Variants in DMXL2 observed in about 807,000 individuals in gnomAD.
DMXL2 encodes dmX-like protein 2.
Under a neutral mutation model 331.1 loss-of-function variants are expected in DMXL2, and 103 were observed. That is an observed-to-expected ratio of 0.31 (90% confidence interval 0.27 to 0.37). DMXL2 has a LOEUF of 0.37. DMXL2 is among the 10% of genes least tolerant of loss of function. The pLI is 1.00. For missense variants in DMXL2, 3,171 were observed against 3,642.9 expected (o/e 0.87, Z 3.33); for synonymous variants, 1,281 against 1,252.1 (o/e 1.02, Z -0.49).
intron 6 of DMXL2, among the ~76,000 whole-genome samples, chr15:51,548,443 G>A (rs2049011751): frequency 6.6e-6 from 1 of 151,894 alleles, no homozygotes; most frequent in African/African-American, 2.4e-5. Context: ...AATCTTTTAA[G>A]TGTTTGCCCT....
intron 22 of DMXL2, 129 bp downstream of exon 22, chr15:51,487,824 TA>T: frequency 2.7e-6 from 2 of 737,080 alleles, no homozygotes; most frequent in Non-Finnish European, 4.0e-6. Context: ...GCCACTATTT[TA>T]AGTACAGCAA....
Position 51,517,091 on chromosome 15 carries a change from G to A in DMXL2, c.2513C>T (p.Ala838Val), listed in dbSNP as rs751783859. 4 of 1,613,898 alleles carry A rather than the reference G, an allele frequency of 2.5e-6. No individual in the cohort carries two copies. The highest frequency in any genetic ancestry group is 3.4e-6 in the Non-Finnish European group (4 of 1,179,808). Residue 838 changes from alanine to valine, a missense_variant, in exon 14 of 44, where the codon GCA (alanine) becomes GTA (valine). Ala to Val is a moderately conservative substitution (Grantham distance 64). Coordinates refer to ENST00000560891, the MANE Select transcript of DMXL2 (RefSeq NM_001378457.1). ...GCATGTTTTTACTTGGTTGGTTATT[G>A]CGTCGAGTTCAATAATGCAGCCAGG... ...ARPGCIIELD[A>V]ITNQCGSNTQ...
chr15:51,474,582 T>G lies in DMXL2; in HGVS notation c.6975A>C (p.Ser2325=). 6.2e-7 allele frequency: 1 copy of G among 1,613,694 alleles called. No individual in the cohort carries two copies. Among genetic ancestry groups the G allele is most frequent in the Non-Finnish European group, 8.5e-7 (1 of 1,179,784 alleles). ...GGGCTGAACTCAAAAGATTAATAAG[T>G]GAGCTCACACCTATAAGGGTATATA... ...SSPAQWPGVS[S]LINLLSSAQD... Residue 2325 remains serine, a synonymous_variant, in exon 28 of 44, where the codon TCA becomes TCC. Transcript: ENST00000560891.
chr15:51,530,252 T>C (rs1350068983), intron 13 of DMXL2, among the ~76,000 whole-genome samples: 4 of 151,910 alleles, frequency 2.6e-5, no homozygotes, highest in East Asian at 1.9e-4. Context: ...AAAAGAAAGA[T>C]ATAAAAGGCA....
At chr15:51,512,713 G>A (rs556985253) in intron 15 of DMXL2, among the ~76,000 whole-genome samples, 16 of 152,040 alleles carry the variant, frequency 1.1e-4, no homozygotes, top group African/African-American at 3.4e-4. Flanking sequence ...CTACTCGGGA[G>A]GCTGAGGCAG....
intron 19 of DMXL2, among the ~76,000 whole-genome samples, chr15:51,493,267 T>C (rs892081794): frequency 6.6e-6 from 1 of 152,168 alleles, no homozygotes; most frequent in East Asian, 1.9e-4. Context: ...AAATGCATAA[T>C]TTTGCTGATA....
intron 15 of DMXL2, 48 bp from the exon 16 acceptor site, chr15:51,507,301 G>A (rs751280330): frequency 3.3e-6 from 5 of 1,530,088 alleles, no homozygotes; most frequent in Admixed American, 2.1e-5. Context: ...TTTTTATGGG[G>A]TTAAAAAAAC....
At position 51,450,417 on chromosome 15, in the gene DMXL2, A is replaced by T. The variant is rs888942085; in HGVS notation, c.8750-71T>A. 5 of 1,366,956 alleles carry T rather than the reference A, an allele frequency of 3.7e-6. No individual in the cohort carries two copies. In the African/African-American group the frequency reaches 4.3e-5, roughly 12 times the overall value. 84.7% of individuals were successfully genotyped at this position (1,366,956 alleles called of 1,614,324 possible). On this transcript the variant is annotated intron_variant, in intron 42 of 43. Transcript: ENST00000560891. ...CTTGGTAATTATGATGTCTACATCC[A>T]CATTTAAATACAGACCTTACTGATG... is the stretch of plus-strand genomic sequence containing the variant.
rs563573322 is a variant in DMXL2 at position 51,541,858 on chromosome 15, T to G, written c.1105+475A>C. 3.9e-5 allele frequency among the ~76,000 whole-genome samples: 6 copies of G among 151,962 alleles called. No individual in the cohort carries two copies. In the East Asian group the frequency reaches 1.2e-3, roughly 29 times the overall value. The stretch of plus-strand genomic sequence containing the variant: ...CATAGGGGAAAAAGGGAAAAGAAAA[T>G]ATTCAGGTTAGAAGGAAAAGTGTTT... On this transcript the variant is annotated intron_variant, in intron 9 of 43. Transcript: ENST00000560891.
At chr15:51,546,136 T>TC (rs1325227447) in intron 7 of DMXL2, among the ~76,000 whole-genome samples, 1 of 152,188 alleles carries the variant, frequency 6.6e-6, no homozygotes, top group Non-Finnish European at 1.5e-5. Flanking sequence ...AGTAGTTTCA[T>TC]CACTTTACAT....
chr15:51,496,139 T>G (rs2043160600), intron 18 of DMXL2, among the ~76,000 whole-genome samples: 1 of 152,022 alleles, frequency 6.6e-6, no homozygotes, highest in African/African-American at 2.4e-5. Flanking sequence ...GCCACCATGC[T>G]CATTCGTCCG....
Position 51,488,082 on chromosome 15 carries a change from G to A in DMXL2, c.5089C>T (p.His1697Tyr), listed in dbSNP as rs779002819. 6.2e-7 allele frequency: 1 copy of A among 1,608,974 alleles called. No individual in the cohort carries two copies. Among genetic ancestry groups the A allele is most frequent in the Non-Finnish European group, 8.5e-7 (1 of 1,178,120 alleles). Residue 1697 changes from histidine (H) to tyrosine (Y), a missense_variant, in exon 22 of 44, where the codon CAC becomes TAC. His to Tyr is a moderately conservative substitution (Grantham distance 83). Around this residue, in one of 7 missense-constraint regions of DMXL2, gnomAD observed 252 missense variants for 387.4 expected, o/e 0.65. Coordinates refer to ENST00000560891, the MANE Select transcript of DMXL2 (RefSeq NM_001378457.1). The part of the protein sequence containing the change: ...HDEKMTTFFS[H>Y]NFNEDRWRKA... Reference sequence around the variant, plus strand: ...CGCCATCTATCTTCATTAAAGTTGTGGCTGAAAAATGTTGTCATTTTTTCA... The same window carrying A: ...CGCCATCTATCTTCATTAAAGTTGTAGCTGAAAAATGTTGTCATTTTTTCA...
chr15:51,569,852 C>G (rs567919315), intron 2 of DMXL2, among the ~76,000 whole-genome samples: 2 of 152,210 alleles, frequency 1.3e-5, no homozygotes, highest in African/African-American at 2.4e-5. Flanking sequence ...TGCAAAATGG[C>G]TGAAAATTCC....
At position 51,502,791 on chromosome 15, in the gene DMXL2, T is replaced by G; in HGVS notation, c.2992+15A>C. The G allele has an allele frequency of 6.3e-7, 1 of 1,597,714 alleles. No individual in the cohort carries two copies. The highest frequency in any genetic ancestry group is 8.6e-7 in the Non-Finnish European group (1 of 1,165,096). On this transcript the variant is annotated intron_variant, in intron 17 of 43. Transcript: ENST00000560891. ...CACTCTGAGCTACCACTGCCCAGTCTTAAAGTGACCTTACCTGCTGAAGGC... is the reference window on the plus strand; with the variant it reads ...CACTCTGAGCTACCACTGCCCAGTCGTAAAGTGACCTTACCTGCTGAAGGC...
At chr15:51,482,386 T>A (rs1033545947) in intron 23 of DMXL2, among the ~76,000 whole-genome samples, 2 of 152,066 alleles carry the variant, frequency 1.3e-5, no homozygotes, top group African/African-American at 4.8e-5. Flanking sequence ...GCCATGAGAA[T>A]CCAAACATTT....
intron 8 of DMXL2, 136 bp downstream of exon 8, chr15:51,545,447 A>C (rs551543399): frequency 4.5e-6 from 3 of 661,276 alleles, no homozygotes; most frequent in Non-Finnish European, 7.3e-6. Flanking sequence ...TAGTCTTACA[A>C]GCATAAATGA....
At chr15:51,575,924 C>A (rs1018800132) in intron 2 of DMXL2, 132 bp downstream of exon 2, 2 of 890,694 alleles carry the variant, frequency 2.2e-6, no homozygotes, top group African/African-American at 3.4e-5. Flanking sequence ...TATCACTTTG[C>A]AACTTCTGCT....
chr15:51,580,193 G>A (rs2051312408), intron 1 of DMXL2, among the ~76,000 whole-genome samples: 1 of 152,166 alleles, frequency 6.6e-6, no homozygotes, highest in Admixed American at 6.5e-5. Context: ...CAATTTTAGA[G>A]AGATCAAAAG....
intron 40 of DMXL2, 137 bp from the exon 41 acceptor site, chr15:51,453,778 GAAT>G (rs1277811904): frequency 3.0e-6 from 2 of 659,944 alleles, no homozygotes; most frequent in East Asian, 6.0e-5. Context: ...TAGGATAAAA[GAAT>G]AAGTGATAGT....
Sources: gnomAD v4.1 joint callset for allele counts (sites outside exome capture counted in the v4.1 genomes callset) on GRCh38, gnomAD v4.1.1 for gene constraint, gnomAD v4.1.1 regional missense constraint, MANE v1.5 for transcripts, NCBI Gene and HGNC (gene_info 2026-07-23, HGNC 2026-07-21) for gene names.